ACYP2: variants seen among roughly 807,000 people sequenced by gnomAD.
The protein encoded by ACYP2 is acylphosphatase-2.
Under a neutral mutation model 11.2 loss-of-function variants are expected in ACYP2, and 12 were observed. The observed-to-expected ratio is 1.08, with a 90% CI of 0.69 to 1.74. The LOEUF is 1.74. Among genes scored for constraint, ACYP2 ranks in the 40% most tolerant of loss-of-function variants. The pLI, the probability that ACYP2 is intolerant of heterozygous loss-of-function variation, is 0.00. For missense variants in ACYP2, 134 were observed against 101.9 expected, an observed-to-expected ratio of 1.31 and a Z score of -1.35; for synonymous variants, 43 against 32.2, an observed-to-expected ratio of 1.33 and a Z score of -1.13.
chr2:54,070,484 C>A (rs1404803460), intron 4 of ACYP2, among the ~76,000 whole-genome samples: 1 of 152,044 alleles, frequency 6.6e-6, no homozygotes, highest in Non-Finnish European at 1.5e-5. Context: ...TCTGCCGTTC[C>A]TCTGCATTGT....
intron 6 of ACYP2, among the ~76,000 whole-genome samples, chr2:54,160,629 T>C (rs550073920): frequency 6.6e-6 from 1 of 152,316 alleles, no homozygotes; most frequent in South Asian, 2.1e-4. Context: ...GAGAAGAGAA[T>C]GTCAGATACG....
At position 54,271,385 on chromosome 2, in the gene ACYP2, C is replaced by T. The variant is rs184484114; in HGVS notation, c.405-33303C>T. ...GATAACATCACTATTGTAGAACCTA[C>T]GATTGGGTTTTTGAGATGTTTTTTC... is the stretch of plus-strand genomic sequence containing the variant. On this transcript the variant is annotated intron_variant, in intron 6 of 6. Coordinates refer to ENST00000607452, the MANE Select transcript of ACYP2 (RefSeq NM_001320586.2). Among the ~76,000 whole-genome samples the T allele has an allele frequency of 3.0e-3, 456 of 152,262 alleles. 8 individuals are homozygous for T. The highest frequency in any genetic ancestry group is 7.7e-4 in the East Asian group (4 of 5,180).
intron 6 of ACYP2, among the ~76,000 whole-genome samples, chr2:54,197,554 C>T (rs749156542): frequency 6.6e-6 from 1 of 152,206 alleles, no homozygotes; most frequent in Non-Finnish European, 1.5e-5. Flanking sequence ...GGTTGTGTGA[C>T]AGGAGTGCTT....
intron 6 of ACYP2, among the ~76,000 whole-genome samples, chr2:54,194,130 C>G (rs1037208071): frequency 1.2e-4 from 18 of 152,100 alleles, no homozygotes; most frequent in African/African-American, 4.3e-4. Context: ...CCTCTGTCTC[C>G]CAGGTTCAAG....
intron 6 of ACYP2, among the ~76,000 whole-genome samples, chr2:54,214,496 AGTCCTTT>A (rs1220619216): frequency 6.6e-6 from 1 of 152,208 alleles, no homozygotes; most frequent in African/African-American, 2.4e-5. Flanking sequence ...TCGAATAGGG[AGTCCTTT>A]TCCCATTGCT....
intron 4 of ACYP2, among the ~76,000 whole-genome samples, chr2:54,130,196 A>G (rs925054083): frequency 2.6e-5 from 4 of 152,168 alleles, no homozygotes; most frequent in Admixed American, 6.5e-5. Flanking sequence ...TTGTTGGGGA[A>G]TATTTCTTTA....
chr2:54,255,350 C>T (rs776273630), intron 6 of ACYP2: 46 of 1,614,024 alleles, frequency 2.9e-5, no homozygotes, highest in Non-Finnish European at 3.6e-5. Context: ...GCATCTTGGC[C>T]TCTAATCATG....
chr2:54,179,943 G>T (rs551843728), intron 6 of ACYP2, among the ~76,000 whole-genome samples: 17 of 152,262 alleles, frequency 1.1e-4, no homozygotes, highest in African/African-American at 2.9e-4. Context: ...CAGTCCCCAA[G>T]GTTCCCTCTT....
intron 2 of ACYP2, among the ~76,000 whole-genome samples, chr2:54,041,667 G>A (rs1675237033): frequency 6.6e-6 from 1 of 152,218 alleles, no homozygotes; most frequent in African/African-American, 2.4e-5. Context: ...ATTCAAGTGA[G>A]TATCTCAGTG....
intron 4 of ACYP2, among the ~76,000 whole-genome samples, chr2:54,061,317 T>C (rs944422375): frequency 2.0e-5 from 3 of 152,242 alleles, no homozygotes; most frequent in African/African-American, 7.2e-5. Context: ...TAAAAACACT[T>C]AATTCATTAC....
intron 6 of ACYP2, among the ~76,000 whole-genome samples, chr2:54,290,189 C>T (rs576960352): frequency 6.6e-6 from 1 of 152,192 alleles, no homozygotes; most frequent in African/African-American, 2.4e-5. Context: ...CGCCGCCCCG[C>T]GATCAATGGC....
At chr2:54,016,992 T>C (rs973583410) in intron 2 of ACYP2, among the ~76,000 whole-genome samples, 2 of 152,286 alleles carry the variant, frequency 1.3e-5, no homozygotes, top group Admixed American at 1.3e-4. Context: ...CCCAAAGTGC[T>C]GAGATTACAG....
intron 6 of ACYP2, among the ~76,000 whole-genome samples, chr2:54,290,368 A>C (rs1328451172): frequency 6.6e-6 from 1 of 151,958 alleles, no homozygotes; most frequent in East Asian, 1.9e-4. Flanking sequence ...AAACTCCTTA[A>C]ATAAATCTGT....
At chr2:53,990,652 C>CA (rs80058534) in intron 2 of ACYP2, among the ~76,000 whole-genome samples, 1,093 of 49,200 alleles carry the variant, frequency 0.022, 11 homozygotes, top group Middle Eastern at 0.073. Context: ...TCCGTCTTAC[C>CA]AAAAAAAAAA....
intron 6 of ACYP2, among the ~76,000 whole-genome samples, chr2:54,176,975 C>G (rs994994958): frequency 6.6e-6 from 1 of 152,192 alleles, no homozygotes. Context: ...GCACTCTTCC[C>G]AAGGGCACTT....
chr2:54,219,901 A>ATTTT (rs1359232223), intron 6 of ACYP2, among the ~76,000 whole-genome samples: 5 of 107,946 alleles, frequency 4.6e-5, no homozygotes, highest in South Asian at 3.5e-4. Context: ...ATATATATAT[A>ATTTT]TATATTTTTT....
chr2:54,058,043 T>C (rs1676249964), intron 4 of ACYP2, among the ~76,000 whole-genome samples: 1 of 152,232 alleles, frequency 6.6e-6, no homozygotes, highest in East Asian at 1.9e-4. Flanking sequence ...TTGTGAATAA[T>C]GCTTTGAAAA....
chr2:54,241,175 A>T (rs549717855), intron 6 of ACYP2, among the ~76,000 whole-genome samples: 11 of 152,180 alleles, frequency 7.2e-5, no homozygotes, highest in Non-Finnish European at 1.0e-4. Flanking sequence ...CAGGAAAAAC[A>T]TTTTTTAATT....
intron 6 of ACYP2, among the ~76,000 whole-genome samples, chr2:54,281,429 G>C (rs960767322): frequency 6.6e-6 from 1 of 152,186 alleles, no homozygotes; most frequent in African/African-American, 2.4e-5. Context: ...GTAGGCTAAG[G>C]GGTGCAAGTT....
Sources: gnomAD v4.1 joint callset for allele counts (sites outside exome capture counted in the v4.1 genomes callset) on GRCh38, gnomAD v4.1.1 for gene constraint, MANE v1.5 for transcripts, NCBI Gene and HGNC (gene_info 2026-07-23, HGNC 2026-07-21) for gene names.